CSMD3: variants seen among roughly 807,000 people sequenced by gnomAD.
CSMD3 encodes CUB and sushi domain-containing protein 3.
Under a neutral mutation model 435.2 loss-of-function variants are expected in CSMD3, and 177 were observed. That is an observed-to-expected ratio of 0.41 (90% CI 0.36 to 0.46). The LOEUF (loss-of-function observed/expected upper bound fraction) is 0.46, where lower values mean the gene tolerates loss of function less well. Ranked by LOEUF, CSMD3 falls within the 20% of genes least tolerant of loss-of-function variation. The pLI is 0.34. For missense variants in CSMD3, 4,265 were observed against 4,504.6 expected (o/e 0.95, Z 1.52); for synonymous variants, 1,656 against 1,520.5 (o/e 1.09, Z -2.07).
chr8:112,881,530 T>G (rs2081448345), intron 10 of CSMD3, among the ~76,000 whole-genome samples: 1 of 152,102 alleles, frequency 6.6e-6, no homozygotes, highest in East Asian at 1.9e-4. Flanking sequence ...GCCCTTGGTA[T>G]GAAAATGATG....
Position 112,908,820 on chromosome 8 carries a change from T to A in CSMD3, c.1633+12807A>T, listed in dbSNP as rs2082330683. On this transcript the variant is annotated intron_variant, in intron 10 of 70. Coordinates refer to ENST00000297405, the MANE Select transcript of CSMD3 (RefSeq NM_198123.2). ...GTTTTTCTCAGCATGGTCTTTATGA[T>A]GTTTTATTGTTCTTTTTAAAATACT... Among the ~76,000 whole-genome samples the A allele has an allele frequency of 6.6e-5, 10 of 151,586 alleles. No individual in the cohort carries two copies. The Admixed American group carries it at 6.6e-4, about 10-fold the overall frequency.
intron 38 of CSMD3, among the ~76,000 whole-genome samples, chr8:112,376,164 C>T (rs996581612): frequency 1.3e-5 from 2 of 152,150 alleles, no homozygotes; most frequent in Admixed American, 1.3e-4. Context: ...TGATCTACCA[C>T]AAATATATCT....
chr8:112,358,662 A>T (rs993985751), intron 38 of CSMD3, among the ~76,000 whole-genome samples: 2 of 152,160 alleles, frequency 1.3e-5, no homozygotes, highest in Admixed American at 6.6e-5. Flanking sequence ...GTAAGACGTG[A>T]CTTGCTGTAC....
At chr8:113,174,207 T>C (rs865824212) in intron 3 of CSMD3, among the ~76,000 whole-genome samples, 24 of 152,176 alleles carry the variant, frequency 1.6e-4, no homozygotes, top group Admixed American at 1.5e-3. Context: ...TAAGTAAAAC[T>C]GAGGATAATA....
intron 13 of CSMD3, among the ~76,000 whole-genome samples, chr8:112,730,352 G>T (rs1364497660): frequency 1.3e-5 from 2 of 152,078 alleles, no homozygotes; most frequent in Non-Finnish European, 2.9e-5. Flanking sequence ...ACAAGAAATA[G>T]AATTACTGAT....
At chr8:112,601,859 GTTAA>G (rs1414664241) in intron 22 of CSMD3, among the ~76,000 whole-genome samples, 1 of 152,130 alleles carries the variant, frequency 6.6e-6, no homozygotes, top group East Asian at 1.9e-4. Flanking sequence ...TCTACGATGA[GTTAA>G]TTAAATACTT....
rs138554365 is a variant in CSMD3, at chr8:113,018,050, AC to A, written c.1030+1016del. On this transcript the variant is annotated intron_variant, in intron 6 of 70. Transcript: ENST00000297405. ...TCATTATTGCAGATTTTCTACGTGG[AC>A]TTTGTCGAAAATCTTGATTTTAAGT... 2.9e-3 allele frequency among the ~76,000 whole-genome samples: 439 copies of A among 152,098 alleles called. 2 individuals carry two copies. The highest frequency in any genetic ancestry group is 9.8e-3 in the African/African-American group (406 of 41,532).
chr8:113,073,133 A>G (rs1356410561), intron 5 of CSMD3, among the ~76,000 whole-genome samples: 7 of 151,932 alleles, frequency 4.6e-5, no homozygotes, highest in African/African-American at 1.7e-4. Flanking sequence ...ATTTATCCAT[A>G]TGAAATTTCT....
intron 6 of CSMD3, among the ~76,000 whole-genome samples, chr8:112,977,607 C>T (rs1013690707): frequency 1.6e-4 from 25 of 151,918 alleles, no homozygotes; most frequent in Admixed American, 3.3e-4. Context: ...CCATTTCTGC[C>T]CCTGATTCTT....
chr8:112,600,145 T>C (rs1356558593), intron 22 of CSMD3, among the ~76,000 whole-genome samples: 1 of 152,052 alleles, frequency 6.6e-6, no homozygotes, highest in Non-Finnish European at 1.5e-5. Flanking sequence ...AAAAAATCTA[T>C]GTGATTTTTA....
At chr8:112,539,668 ATAAATTGT>A (rs1563678178) in intron 27 of CSMD3, among the ~76,000 whole-genome samples, 1 of 152,102 alleles carries the variant, frequency 6.6e-6, no homozygotes. Flanking sequence ...AAGGACTTCA[ATAAATTGT>A]GCTGCAGAAA....
intron 22 of CSMD3, among the ~76,000 whole-genome samples, chr8:112,602,372 C>T (rs990618591): frequency 6.6e-6 from 1 of 152,014 alleles, no homozygotes; most frequent in Non-Finnish European, 1.5e-5. Context: ...CCGAGACCAG[C>T]CTGGCCAGCA....
intron 23 of CSMD3, among the ~76,000 whole-genome samples, chr8:112,585,206 C>T (rs1451703027): frequency 1.3e-5 from 2 of 151,384 alleles, no homozygotes; most frequent in Non-Finnish European, 3.0e-5. Flanking sequence ...AAATCTCAGG[C>T]AAGCCTATGA....
chr8:112,657,535 G>A (rs7011084), intron 17 of CSMD3, among the ~76,000 whole-genome samples: 44,164 of 151,784 alleles, frequency 0.29, 6,474 homozygotes, highest in East Asian at 0.36. Flanking sequence ...AACGTCAATC[G>A]ACACAGGGCT....
intron 68 of CSMD3, among the ~76,000 whole-genome samples, chr8:112,231,996 A>G (rs1406366145): frequency 1.3e-5 from 2 of 152,104 alleles, no homozygotes; most frequent in Admixed American, 6.6e-5. Flanking sequence ...CACTCTCCCA[A>G]CCTTCATGAG....
At chr8:112,304,568 T>C (rs564690136) in intron 52 of CSMD3, among the ~76,000 whole-genome samples, 153 bp downstream of exon 52, 6 of 152,256 alleles carry the variant, frequency 3.9e-5, no homozygotes, top group African/African-American at 1.4e-4. Context: ...CATAGAAACA[T>C]AGTTAGAAAA....
chr8:113,232,743 G>A (rs957707603), intron 3 of CSMD3, among the ~76,000 whole-genome samples: 3 of 151,754 alleles, frequency 2.0e-5, no homozygotes, highest in Non-Finnish European at 4.4e-5. Flanking sequence ...TTGATTACCC[G>A]TAAGTGCCAT....
At chr8:112,413,232 T>C (rs1811542557) in intron 32 of CSMD3, among the ~76,000 whole-genome samples, 1 of 152,170 alleles carries the variant, frequency 6.6e-6, no homozygotes, top group Non-Finnish European at 1.5e-5. Context: ...GACAAGGCAG[T>C]GTATCTATCT....
intron 1 of CSMD3, among the ~76,000 whole-genome samples, chr8:113,335,533 C>T (rs1206215563): frequency 3.2e-5 from 3 of 94,232 alleles, no homozygotes; most frequent in Non-Finnish European, 5.9e-5. Context: ...CTCTCCTCCT[C>T]CTTCTTTTTT....
Sources: gnomAD v4.1 joint callset for allele counts (sites outside exome capture counted in the v4.1 genomes callset) on GRCh38, gnomAD v4.1.1 for gene constraint, MANE v1.5 for transcripts, NCBI Gene and HGNC (gene_info 2026-07-23, HGNC 2026-07-21) for gene names.